The following GRM1 variants were observed in gnomAD, a reference collection of about 807,000 sequenced individuals.
GRM1 encodes metabotropic glutamate receptor 1.
A neutral mutation model predicts 90.9 loss-of-function variants in GRM1; 33 were observed. The observed-to-expected ratio is 0.36, with a 90% CI of 0.28 to 0.49. GRM1 has a LOEUF of 0.49. Among genes scored for constraint, GRM1 ranks in the 20% least tolerant of loss-of-function variants. The pLI is 0.99. For missense variants in GRM1, 1,190 were observed against 1,534.3 expected (o/e 0.78, Z 3.75); for synonymous variants, 700 against 613.2 (o/e 1.14, Z -2.09).
chr6:146,267,670 GGGCTGGGCTGGGCTCGGCTC>G (rs1179845061), intron 2 of GRM1, among the ~76,000 whole-genome samples: 2,545 of 125,314 alleles, frequency 0.02, 115 homozygotes, highest in African/African-American at 0.073. Context: ...GGGCTGGGCT[GGGCTGGGCTGGGCTCGGCTC>G]GGCTCGGCTC....
chr6:146,097,697 C>G (rs79963852), intron 1 of GRM1, among the ~76,000 whole-genome samples: 1,761 of 152,292 alleles, frequency 0.012, 39 homozygotes, highest in African/African-American at 0.04. Context: ...TTGAGCATAT[C>G]TACAACTTCT....
chr6:146,349,271 CG>C (rs1442627236), intron 3 of GRM1, among the ~76,000 whole-genome samples: 1 of 148,288 alleles, frequency 6.7e-6, no homozygotes, highest in Admixed American at 6.7e-5. Flanking sequence ...TTAGTAGATA[CG>C]GGGTTTCACT....
intron 1 of GRM1, among the ~76,000 whole-genome samples, chr6:146,146,064 T>C (rs1293532305): frequency 6.7e-6 from 1 of 149,800 alleles, no homozygotes; most frequent in Non-Finnish European, 1.5e-5. Flanking sequence ...CTTTTTGGAA[T>C]GTAAATATTT....
chr6:146,203,580 AAGG>A (rs1309312798), intron 2 of GRM1, among the ~76,000 whole-genome samples: 2 of 152,184 alleles, frequency 1.3e-5, no homozygotes, highest in African/African-American at 2.4e-5. Context: ...TTTATGCTCA[AAGG>A]AGGAGAACTC....
intron 3 of GRM1, among the ~76,000 whole-genome samples, chr6:146,313,878 G>C (rs1238033895): frequency 1.3e-5 from 2 of 151,606 alleles, no homozygotes; most frequent in Admixed American, 6.6e-5. Context: ...CCCATCCCCA[G>C]GCAGTCACTT....
chr6:146,283,386 G>A (rs189255119), intron 2 of GRM1, among the ~76,000 whole-genome samples: 2 of 152,294 alleles, frequency 1.3e-5, no homozygotes, highest in Admixed American at 1.3e-4. Flanking sequence ...TGGGTATGTG[G>A]AAGTTATTTA....
intron 2 of GRM1, among the ~76,000 whole-genome samples, chr6:146,280,550 C>G (rs1782530216): frequency 6.6e-6 from 1 of 152,076 alleles, no homozygotes; most frequent in East Asian, 1.9e-4. Context: ...TTTTTCTTAC[C>G]TGAACACATG....
At chr6:146,397,490 A>AAAAAAAAAAAAAAAAAAAAAAAAC (rs1777005353) in intron 6 of GRM1, among the ~76,000 whole-genome samples, 1 of 150,748 alleles carries the variant, frequency 6.6e-6, no homozygotes, top group African/African-American at 2.4e-5. Flanking sequence ...AAAAGAAAAA[A>AAAAAAAAAAAAAAAAAAAAAAAAC]AAAAAAAAAA....
chr6:146,343,605 C>T (rs1414363029), intron 3 of GRM1, among the ~76,000 whole-genome samples: 3 of 151,734 alleles, frequency 2.0e-5, no homozygotes, highest in African/African-American at 7.2e-5. Flanking sequence ...TCAGTTGGCT[C>T]TTGTGTCCCT....
chr6:146,252,051 T>G (rs1192443697), intron 2 of GRM1, among the ~76,000 whole-genome samples: 2 of 152,196 alleles, frequency 1.3e-5, no homozygotes, highest in African/African-American at 4.8e-5. Flanking sequence ...TCTTTTTCCT[T>G]CTAAGAAGTT....
At chr6:146,132,341 C>T (rs1000286398) in intron 1 of GRM1, among the ~76,000 whole-genome samples, 2 of 152,052 alleles carry the variant, frequency 1.3e-5, no homozygotes, top group Non-Finnish European at 2.9e-5. Flanking sequence ...CCAATGAAGA[C>T]TTACATTAAG....
chr6:146,402,238 A>T (rs545334802), intron 7 of GRM1, among the ~76,000 whole-genome samples: 26 of 152,252 alleles, frequency 1.7e-4, no homozygotes, highest in African/African-American at 6.0e-4. Context: ...ACTTATACCT[A>T]CTCCAATATG....
intron 6 of GRM1, among the ~76,000 whole-genome samples, chr6:146,389,925 G>T (rs1277101165): frequency 1.3e-5 from 2 of 152,048 alleles, no homozygotes; most frequent in African/African-American, 2.4e-5. Flanking sequence ...CAGAGCAAGG[G>T]CATAGTCCGT....
At position 146,134,641 on chromosome 6, in the gene GRM1, A is replaced by G. The variant is rs1252897995; in HGVS notation, c.701-24707A>G. On this transcript the variant is annotated intron_variant, in intron 1 of 7. Coordinates refer to ENST00000282753, the MANE Select transcript of GRM1 (RefSeq NM_001278064.2). Reference sequence around the variant, plus strand: ...TGAGAACTCACTCACTATTAAAAGAACAGCATGGACCGGGTGTGGTGGCTC... The same window carrying G: ...TGAGAACTCACTCACTATTAAAAGAGCAGCATGGACCGGGTGTGGTGGCTC... Among the ~76,000 whole-genome samples, 5 of 152,116 alleles carry G rather than the reference A, an allele frequency of 3.3e-5. 1 individual carries two copies.
At chr6:146,204,791 G>T (rs1325376526) in intron 2 of GRM1, among the ~76,000 whole-genome samples, 1 of 152,132 alleles carries the variant, frequency 6.6e-6, no homozygotes, top group Non-Finnish European at 1.5e-5. Flanking sequence ...AACACAGCAG[G>T]GGCACTTTTG....
At chr6:146,108,795 A>G (rs1233370714) in intron 1 of GRM1, among the ~76,000 whole-genome samples, 2 of 152,192 alleles carry the variant, frequency 1.3e-5, no homozygotes. Context: ...AAATGCTAAT[A>G]ATGATATGGA....
At chr6:146,063,570 C>T (rs1775745744) in intron 1 of GRM1, among the ~76,000 whole-genome samples, 1 of 151,932 alleles carries the variant, frequency 6.6e-6, no homozygotes, top group African/African-American at 2.4e-5. Context: ...TTAGTTTCTA[C>T]ATAATAAAAA....
chr6:146,357,481 A>G (rs1339729233), intron 4 of GRM1, 45 bp from the exon 5 acceptor site: 2 of 1,492,178 alleles, frequency 1.3e-6, no homozygotes, highest in Non-Finnish European at 9.4e-7. Context: ...TGTTTTCTAC[A>G]TTATGTCTAT....
intron 7 of GRM1, among the ~76,000 whole-genome samples, chr6:146,410,933 A>G (rs1777543713): frequency 6.6e-6 from 1 of 152,244 alleles, no homozygotes; most frequent in Non-Finnish European, 1.5e-5. Flanking sequence ...TTAGAATTAT[A>G]GGCTTGGTTT....
Sources: allele counts gnomAD v4.1 joint callset (sites outside exome capture counted in the v4.1 genomes callset), GRCh38; gene constraint gnomAD v4.1.1; transcripts MANE v1.5; gene names NCBI Gene and HGNC (gene_info 2026-07-23, HGNC 2026-07-21).